Variants in CLSTN2 observed in about 807,000 individuals in gnomAD.
CLSTN2 encodes the protein calsyntenin 2, also known as calsyntenin-2.
A neutral mutation model predicts 101.2 loss-of-function variants in CLSTN2; 48 were observed. That is an observed-to-expected ratio of 0.47 (90% CI 0.38 to 0.60). CLSTN2 has a LOEUF of 0.60. CLSTN2 is among the 20% of genes least tolerant of loss of function. The probability of loss-of-function intolerance (pLI) is 0.00; values close to 1 mark genes in which losing one functional copy is unlikely to be tolerated. For synonymous variants in CLSTN2, 481 were observed against 463.6 expected (o/e 1.04, Z -0.48); for missense variants, 1,160 against 1,238.2 (o/e 0.94, Z 0.95).
intron 2 of CLSTN2, among the ~76,000 whole-genome samples, chr3:140,188,555 T>C (rs369693216): frequency 2.0e-5 from 3 of 152,106 alleles, no homozygotes; most frequent in Non-Finnish European, 2.9e-5. Flanking sequence ...ACCATGCACA[T>C]GCTTAAGGTA....
rs1469770051 is a variant in CLSTN2, at chr3:140,016,808, A to C, written c.109+81325A>C. Among the ~76,000 whole-genome samples, 5 of 151,680 alleles carry C rather than the reference A, an allele frequency of 3.3e-5. No homozygotes were observed. In the East Asian group the frequency reaches 9.7e-4, roughly 29 times the overall value. ...GTGAGACTCTGAAAAAAAAAAAAAA[A>C]AAAAAAGAAACAAACAAAAAAACCT... On this transcript the variant is annotated intron_variant, in intron 1 of 16. Transcript: ENST00000458420.
At chr3:140,056,964 C>T (rs972475612) in intron 1 of CLSTN2, among the ~76,000 whole-genome samples, 3 of 152,098 alleles carry the variant, frequency 2.0e-5, no homozygotes, top group African/African-American at 7.2e-5. Context: ...TGTGAATCTC[C>T]CTTGCTAGAG....
intron 1 of CLSTN2, among the ~76,000 whole-genome samples, chr3:140,162,253 T>G (rs1354537320): frequency 6.6e-6 from 1 of 152,194 alleles, no homozygotes; most frequent in African/African-American, 2.4e-5. Context: ...GGCCATATTT[T>G]GAGAACTTTT....
rs1442776964 is a variant in CLSTN2, at chr3:140,541,998, G to T, written c.1508-4517G>T. On this transcript the variant is annotated intron_variant, in intron 9 of 16. Coordinates refer to ENST00000458420, the MANE Select transcript of CLSTN2 (RefSeq NM_022131.3). ...GTGTATTTAGATGGAAGGTAAGGTA[G>T]AAGAAACAACTAGGGAAAAATTAAA... Among the ~76,000 whole-genome samples, 8 of 152,234 alleles carry T rather than the reference G, an allele frequency of 5.3e-5. No individual in the cohort carries two copies. In the South Asian group the frequency reaches 6.2e-4, roughly 12 times the overall value.
chr3:140,544,431 T>C (rs969277294), intron 9 of CLSTN2, among the ~76,000 whole-genome samples: 6 of 152,166 alleles, frequency 3.9e-5, no homozygotes, highest in African/African-American at 1.4e-4. Context: ...CACAAGAAGC[T>C]ATAGCCCAGT....
chr3:140,151,783 C>A (rs755835648), intron 1 of CLSTN2, among the ~76,000 whole-genome samples: 1 of 152,240 alleles, frequency 6.6e-6, no homozygotes, highest in African/African-American at 2.4e-5. Context: ...ATTTGTCAGA[C>A]ACCTACTGTG....
chr3:140,057,123 T>G (rs751912544), intron 1 of CLSTN2, among the ~76,000 whole-genome samples: 2 of 152,228 alleles, frequency 1.3e-5, no homozygotes, highest in Non-Finnish European at 2.9e-5. Context: ...ATTATGCCCA[T>G]GCACAGATGA....
At chr3:139,944,544 C>G (rs918457953) in intron 1 of CLSTN2, among the ~76,000 whole-genome samples, 1 of 152,236 alleles carries the variant, frequency 6.6e-6, no homozygotes, top group Non-Finnish European at 1.5e-5. Flanking sequence ...CCTTTATTTT[C>G]TCTGTCAAAG....
chr3:140,111,102 C>A (rs2009148678), intron 1 of CLSTN2, among the ~76,000 whole-genome samples: 2 of 152,182 alleles, frequency 1.3e-5, no homozygotes, highest in African/African-American at 4.8e-5. Context: ...GCTAATCATT[C>A]TTGAGGTCAC....
At chr3:140,245,131 G>C (rs1173357321) in intron 2 of CLSTN2, among the ~76,000 whole-genome samples, 1 of 152,144 alleles carries the variant, frequency 6.6e-6, no homozygotes, top group African/African-American at 2.4e-5. Flanking sequence ...CTTCTAACTT[G>C]ATAACCACGT....
chr3:140,435,575 G>T (rs2088676963), intron 5 of CLSTN2, among the ~76,000 whole-genome samples: 1 of 152,164 alleles, frequency 6.6e-6, no homozygotes, highest in South Asian at 2.1e-4. Context: ...TTTCTTTGGG[G>T]TATATACCTA....
chr3:140,490,724 C>T (rs1454351264), intron 8 of CLSTN2, among the ~76,000 whole-genome samples: 1 of 151,990 alleles, frequency 6.6e-6, no homozygotes, highest in Non-Finnish European at 1.5e-5. Flanking sequence ...CAAGCAGTGT[C>T]ATAGGCTGAA....
intron 1 of CLSTN2, among the ~76,000 whole-genome samples, chr3:140,111,987 C>A (rs2009164533): frequency 6.6e-6 from 1 of 152,218 alleles, no homozygotes. Context: ...CAGTCCAACC[C>A]TGGGACCTGT....
At chr3:140,021,307 T>G (rs1212968130) in intron 1 of CLSTN2, among the ~76,000 whole-genome samples, 2 of 152,224 alleles carry the variant, frequency 1.3e-5, no homozygotes, top group Non-Finnish European at 2.9e-5. Flanking sequence ...AAGAAGGGCT[T>G]CACTCCAGCA....
Position 139,935,363 on chromosome 3 carries a change from G to A in CLSTN2, c.-12G>A. ...AGGCGGCGGCTGCAGCTCGTTGGCG[G>A]CTGCTGCGAGGATGCTGCCTGGGCG... On this transcript the variant is annotated 5_prime_UTR_variant, in exon 1 of 17. Transcript: ENST00000458420. This position sits in a 1 kb window ranked among gnomAD's most constrained non-coding sequence, Gnocchi z 5.5. 3 of 1,221,172 alleles carry A rather than the reference G, an allele frequency of 2.5e-6. No homozygotes were observed. Among genetic ancestry groups the A allele is most frequent in the Non-Finnish European group, 3.1e-6 (3 of 979,074 alleles). The allele number at this position is 1,221,172 out of a possible 1,614,324, so 75.6% of individuals were successfully genotyped here.
chr3:140,145,511 T>C (rs6439896), intron 1 of CLSTN2, among the ~76,000 whole-genome samples: 27,673 of 152,296 alleles, frequency 0.18, 7,595 homozygotes, highest in African/African-American at 0.6. Context: ...GGCTGAATCA[T>C]TGGAATAAGA....
At chr3:139,993,251 G>C (rs1206009892) in intron 1 of CLSTN2, among the ~76,000 whole-genome samples, 1 of 152,002 alleles carries the variant, frequency 6.6e-6, no homozygotes, top group African/African-American at 2.4e-5. Context: ...ACCCTTCTTT[G>C]GGCTGATGGT....
intron 2 of CLSTN2, among the ~76,000 whole-genome samples, chr3:140,364,672 G>C (rs1411783248): frequency 6.6e-6 from 1 of 152,198 alleles, no homozygotes; most frequent in African/African-American, 2.4e-5. Flanking sequence ...TGGATAATGA[G>C]GCAGGGGGAG....
chr3:140,509,570 C>T (rs1934765233), intron 8 of CLSTN2, among the ~76,000 whole-genome samples: 1 of 152,178 alleles, frequency 6.6e-6, no homozygotes, highest in South Asian at 2.1e-4. Flanking sequence ...CATGGTATAT[C>T]TGGCAAGACA....
Sources: allele counts gnomAD v4.1 joint callset (sites outside exome capture counted in the v4.1 genomes callset), GRCh38; gene constraint gnomAD v4.1.1; non-coding constraint Gnocchi (gnomAD v3.1); transcripts MANE v1.5; gene names NCBI Gene and HGNC (gene_info 2026-07-23, HGNC 2026-07-21).